Variants in PDHA1 observed in about 807,000 individuals in gnomAD.
PDHA1 encodes the protein pyruvate dehydrogenase E1 subunit alpha 1.
Under a neutral mutation model 33.0 loss-of-function variants are expected in PDHA1, and 1 was observed. The observed-to-expected ratio is 0.03, with a 90% CI of 0.01 to 0.14. The LOEUF (loss-of-function observed/expected upper bound fraction) is 0.14, where lower values mean the gene tolerates loss of function less well. PDHA1 is among the 10% of genes least tolerant of loss of function. The pLI is 1.00. For synonymous variants in PDHA1, 123 were observed against 119.2 expected, an observed-to-expected ratio of 1.03 and a Z score of -0.21; for missense variants, 168 against 325.1, an observed-to-expected ratio of 0.52 and a Z score of 3.72.
rs1197047678 is a variant in PDHA1 at position 19,360,659 on chromosome X, A to G, written c.*1006A>G. 3 of 675,674 alleles carry G rather than the reference A, an allele frequency of 4.4e-6. No individual in the cohort carries two copies. Among genetic ancestry groups the G allele is most frequent in the Non-Finnish European group, 4.7e-6 (2 of 429,459 alleles). The allele number at this position is 675,674 out of a possible 1,213,427, so 55.7% of individuals were successfully genotyped here. On this transcript the variant is annotated 3_prime_UTR_variant, in exon 11 of 11. Transcript: ENST00000422285. Reference sequence around the variant, plus strand: ...GAACAATGGCATTTTTAAATATGTAAACACAGCGGAATTCGTGTATACACT... The same window carrying G: ...GAACAATGGCATTTTTAAATATGTAGACACAGCGGAATTCGTGTATACACT...
At chrX:19,359,456 C>CTAAAACCTTTTACACTGTT in intron 10 of PDHA1, 33 bp from the exon 11 acceptor site, 3 of 1,178,449 alleles carry the variant, frequency 2.5e-6, no homozygotes, top group Non-Finnish European at 3.5e-6. Context: ...GCTGTTCATT[C>CTAAAACCTTTTACACTGTT]TAAAACCTTT....
intron 1 of PDHA1, chrX:19,346,674 T>C (rs2063136278): frequency 1.2e-6 from 1 of 856,896 alleles, no homozygotes; most frequent in Non-Finnish European, 1.5e-6. Flanking sequence ...CATCAAAGAG[T>C]GTTTGGTGTG....
rs1465592646 is a variant in PDHA1 at position 19,360,362 on chromosome X, A to ACTT, written c.*710_*712dup. ...CATTCCAGCAAGTGCTGAAGGGTGTACTTTTTTTGAGACAGGGTCGGGCTC... is the reference window on the plus strand; with the variant it reads ...CATTCCAGCAAGTGCTGAAGGGTGTACTTCTTTTTTTGAGACAGGGTCGGGCTC... On this transcript the variant is annotated 3_prime_UTR_variant, in exon 11 of 11. Transcript: ENST00000422285. The ACTT allele has an allele frequency of 6.5e-6, 1 of 154,735 alleles. No individual in the cohort carries two copies. The highest frequency in any genetic ancestry group is 1.2e-5 in the Non-Finnish European group (1 of 82,409). The allele number at this position is 154,735 out of a possible 1,213,427, so 12.8% of individuals were successfully genotyped here. A position where few individuals can be genotyped will look rare whatever the true frequency, so the allele number is the denominator to read the frequency against.
chrX:19,357,467 C>A, intron 8 of PDHA1, 185 bp from the exon 9 acceptor site: 1 of 501,409 alleles, frequency 2.0e-6, no homozygotes, highest in South Asian at 2.8e-5. Flanking sequence ...ATGAAATATG[C>A]AATCAATACT....
At chrX:19,359,295 A>AAAAGT (rs1334886732) in intron 10 of PDHA1, among the ~76,000 whole-genome samples, 194 bp from the exon 11 acceptor site, 3 of 111,771 alleles carry the variant, frequency 2.7e-5, no homozygotes, top group Admixed American at 1.9e-4. Flanking sequence ...CTTTTTTCCT[A>AAAAGT]AAAGTATACT....
intron 5 of PDHA1, among the ~76,000 whole-genome samples, chrX:19,354,244 T>TAACTC (rs1055603573): frequency 8.8e-6 from 1 of 113,049 alleles, no homozygotes; most frequent in Non-Finnish European, 1.9e-5. Context: ...TTTTATTTTT[T>TAACTC]AACTCTTGAA....
chrX:19,357,222 G>C (rs1006903504), intron 8 of PDHA1, among the ~76,000 whole-genome samples: 1 of 111,831 alleles, frequency 8.9e-6, no homozygotes, highest in Non-Finnish European at 1.9e-5. Context: ...ATCCTCCCAA[G>C]TAGCTGGGAC....
At chrX:19,357,619 T>C in intron 8 of PDHA1, 33 bp from the exon 9 acceptor site, 1 of 1,157,151 alleles carries the variant, frequency 8.6e-7, no homozygotes, top group South Asian at 1.8e-5. Flanking sequence ...TCATCGTTCC[T>C]AACTAACTAA....
chrX:19,361,357 A>G lies in PDHA1; in HGVS notation c.*1704A>G, dbSNP rs142533585. ...CTCTTACCGTAGTCGAAGGTATCTT[A>G]GATCTTCCTTAGTGATCTCATTAAG... On this transcript the variant is annotated 3_prime_UTR_variant, in exon 11 of 11. Coordinates refer to ENST00000422285, the MANE Select transcript of PDHA1 (RefSeq NM_000284.4). 9 of 1,205,975 alleles carry G rather than the reference A, an allele frequency of 7.5e-6. No homozygotes were observed. The African/African-American group carries it at 1.6e-4, about 21-fold the overall frequency.
intron 7 of PDHA1, 36 bp from the exon 8 acceptor site, chrX:19,355,650 G>A: frequency 8.7e-7 from 1 of 1,156,010 alleles, no homozygotes; most frequent in Non-Finnish European, 1.2e-6. Flanking sequence ...TGGGGCAGTT[G>A]GATTCATGCT....
intron 8 of PDHA1, chrX:19,357,404 CTTT>C: frequency 2.5e-6 from 1 of 398,600 alleles, no homozygotes; most frequent in Non-Finnish European, 4.4e-6. Context: ...CCTTCAAAGC[CTTT>C]TTGATTCAAA....
Position 19,361,628 on chromosome X carries a change from A to T in PDHA1, c.*1975A>T. Reference sequence around the variant, plus strand: ...TTGGCAATTTGTTATATATTAGTCTAACCATAAAACTCTTCAAAAGTAACC... The same window carrying T: ...TTGGCAATTTGTTATATATTAGTCTTACCATAAAACTCTTCAAAAGTAACC... On this transcript the variant is annotated 3_prime_UTR_variant, in exon 11 of 11. Coordinates refer to ENST00000422285, the MANE Select transcript of PDHA1 (RefSeq NM_000284.4). The T allele has an allele frequency of 1.0e-6, 1 of 968,232 alleles. No individual in the cohort carries two copies. Among genetic ancestry groups the T allele is most frequent in the East Asian group, 3.1e-5 (1 of 32,622 alleles). 79.8% of individuals were successfully genotyped at this position (968,232 alleles called of 1,213,427 possible).
In PDHA1 at chrX:19,361,207, G is replaced by C; in HGVS notation, c.*1554G>C. On this transcript the variant is annotated 3_prime_UTR_variant, in exon 11 of 11. Transcript: ENST00000422285. ...GGCTTTCAGTTTCTGCCCCACCTTG[G>C]CTTTTTCCCAGCTTGAACCTAATAG... 1.9e-6 allele frequency: 1 copy of C among 523,077 alleles called. No individual in the cohort carries two copies. Among genetic ancestry groups the C allele is most frequent in the Non-Finnish European group, 3.1e-6 (1 of 324,952 alleles). 43.1% of individuals were successfully genotyped at this position (523,077 alleles called of 1,213,427 possible).
Position 19,360,958 on chromosome X carries a change from C to T in PDHA1, c.*1305C>T, listed in dbSNP as rs754247336. 6.1e-6 allele frequency: 3 copies of T among 488,361 alleles called. No individual in the cohort carries two copies. Among genetic ancestry groups the T allele is most frequent in the East Asian group, 3.7e-5 (1 of 27,066 alleles). 40.2% of individuals were successfully genotyped at this position (488,361 alleles called of 1,213,427 possible). On this transcript the variant is annotated 3_prime_UTR_variant, in exon 11 of 11. Transcript: ENST00000422285. Reference sequence around the variant, plus strand: ...TCTCCTCACATATGGAGGTGACGCTCGTGTCCCAGCAGTAGTAGGACATGG... The same window carrying T: ...TCTCCTCACATATGGAGGTGACGCTTGTGTCCCAGCAGTAGTAGGACATGG...
chrX:19,344,817 T>C (rs1381674153), intron 1 of PDHA1, among the ~76,000 whole-genome samples: 2 of 112,293 alleles, frequency 1.8e-5, no homozygotes, highest in African/African-American at 6.5e-5. Flanking sequence ...GAGTCTCCAG[T>C]TCGGTATACA....
chrX:19,358,716 G>T (rs188441180), intron 9 of PDHA1, among the ~76,000 whole-genome samples, 200 bp from the exon 10 acceptor site: 7 of 111,888 alleles, frequency 6.3e-5, no homozygotes, highest in Non-Finnish European at 1.3e-4. Flanking sequence ...GTTAGGCTGC[G>T]TTCTGGTATT....
At chrX:19,356,303 T>C (rs1218721631) in intron 8 of PDHA1, among the ~76,000 whole-genome samples, 3 of 111,018 alleles carry the variant, frequency 2.7e-5, no homozygotes, top group African/African-American at 6.6e-5. Context: ...AGTATAGGCT[T>C]AGGAGGTTTG....
chrX:19,349,651 A>G (rs1455693163), intron 2 of PDHA1, among the ~76,000 whole-genome samples: 1 of 112,351 alleles, frequency 8.9e-6, no homozygotes, highest in Non-Finnish European at 1.9e-5. Flanking sequence ...TTGAATAAGA[A>G]GAGTCTTAGT....
chrX:19,346,470 C>A, intron 1 of PDHA1: 1 of 415,392 alleles, frequency 2.4e-6, no homozygotes, highest in Non-Finnish European at 4.3e-6. Flanking sequence ...CATGTGCCAC[C>A]ACCACACCCA....
Sources: allele counts gnomAD v4.1 joint callset (sites outside exome capture counted in the v4.1 genomes callset), GRCh38; gene constraint gnomAD v4.1.1; transcripts MANE v1.5; gene names NCBI Gene and HGNC (gene_info 2026-07-23, HGNC 2026-07-21).